GPR149: variants seen among roughly 807,000 people sequenced by gnomAD.
GPR149 encodes the protein G protein-coupled receptor 149, also known as probable G protein-coupled receptor 149.
Under a neutral mutation model 50.2 loss-of-function variants are expected in GPR149, and 50 were observed. The observed-to-expected ratio is 1.00, with a 90% CI of 0.79 to 1.26. The LOEUF is 1.26. Ranked by LOEUF, GPR149 falls within the 50% of genes most tolerant of loss-of-function variation. The pLI is 0.00. For missense variants in GPR149, 983 were observed against 895.4 expected (o/e 1.10, Z -1.25); for synonymous variants, 405 against 358.2 (o/e 1.13, Z -1.48).
chr3:154,366,139 T>C (rs1435183275), intron 3 of GPR149, among the ~76,000 whole-genome samples: 2 of 152,140 alleles, frequency 1.3e-5, no homozygotes, highest in Admixed American at 1.3e-4. Context: ...AACAGACCCC[T>C]AGAGAAACCT....
intron 3 of GPR149, among the ~76,000 whole-genome samples, chr3:154,416,716 G>C (rs559302172): frequency 6.6e-6 from 1 of 151,796 alleles, no homozygotes; most frequent in Non-Finnish European, 1.5e-5. Flanking sequence ...ATTAGTTCTT[G>C]TTGGCCTTAT....
chr3:154,368,174 G>C (rs1459557947), intron 3 of GPR149, among the ~76,000 whole-genome samples: 1 of 152,206 alleles, frequency 6.6e-6, no homozygotes, highest in Non-Finnish European at 1.5e-5. Context: ...GGCTCCCCCT[G>C]CAAGGGTTAC....
At chr3:154,374,169 C>CTTTTTTTTTTTTTT (rs3069044) in intron 3 of GPR149, among the ~76,000 whole-genome samples, 32 of 103,164 alleles carry the variant, frequency 3.1e-4, no homozygotes, top group Non-Finnish European at 4.8e-4. Flanking sequence ...CTTTTCTTTT[C>CTTTTTTTTTTTTTT]TTTTTTTTTT....
At chr3:154,359,144 T>C (rs1714322207) in intron 3 of GPR149, among the ~76,000 whole-genome samples, 1 of 152,196 alleles carries the variant, frequency 6.6e-6, no homozygotes, top group Non-Finnish European at 1.5e-5. Flanking sequence ...ATAAGGGACA[T>C]TCTTTAGAAA....
At chr3:154,392,966 G>C (rs933649684) in intron 3 of GPR149, among the ~76,000 whole-genome samples, 4 of 151,880 alleles carry the variant, frequency 2.6e-5, no homozygotes, top group Admixed American at 2.6e-4. Context: ...GAAAAGCCTA[G>C]AACCAAATGG....
intron 1 of GPR149, 26 bp from the exon 2 acceptor site, chr3:154,427,734 C>T: frequency 6.3e-7 from 1 of 1,590,522 alleles, no homozygotes; most frequent in Non-Finnish European, 8.6e-7. Flanking sequence ...AACTTCAGAC[C>T]TAACCTAAAA....
chr3:154,420,384 A>C (rs1712104777), intron 3 of GPR149, among the ~76,000 whole-genome samples: 1 of 152,006 alleles, frequency 6.6e-6, no homozygotes, highest in Non-Finnish European at 1.5e-5. Context: ...TGGAAGGCTG[A>C]GATCTAGGAA....
Position 154,427,547 on chromosome 3 carries a change from G to C in GPR149, c.1143C>G (p.Asn381Lys), listed in dbSNP as rs2108432782. 1 of 1,613,504 alleles carries C rather than the reference G, an allele frequency of 6.2e-7. No homozygotes were observed. Among genetic ancestry groups the C allele is most frequent in the South Asian group, 1.1e-5 (1 of 91,024 alleles). ...TCCCATCGGACGCCACTGCATATGC[G>C]TTCTGCCTGCAGTTGATGATGCAGC... Reference protein sequence around the residue: ...PCGCIINCRQNAYAVASDGKK... With the variant: ...PCGCIINCRQKAYAVASDGKK... The change falls in exon 2 of 4, where the codon AAC becomes AAG. Residue 381 changes from asparagine to lysine, a missense_variant. Coordinates refer to ENST00000389740, the MANE Select transcript of GPR149 (RefSeq NM_001038705.3).
chr3:154,429,173 C>T lies in GPR149; in HGVS notation c.443G>A (p.Gly148Asp). 1 of 1,613,850 alleles carries T rather than the reference C, an allele frequency of 6.2e-7. No homozygotes were observed. Reference protein sequence around the residue: ...VGSQTASRRSGQVLGVVLTVW... With the variant: ...VGSQTASRRSDQVLGVVLTVW... Reference sequence around the variant, plus strand: ...GGTCAGCACCACGCCGAGCACCTGGCCCGATCTTCTGGAGGCTGTCTGGCT... The same window carrying T: ...GGTCAGCACCACGCCGAGCACCTGGTCCGATCTTCTGGAGGCTGTCTGGCT... The change falls in exon 1 of 4, where the codon GGC becomes GAC. Residue 148 changes from glycine to aspartate, a missense_variant. Transcript: ENST00000389740.
chr3:154,419,941 T>A (rs1345968578), intron 3 of GPR149, among the ~76,000 whole-genome samples: 1 of 152,082 alleles, frequency 6.6e-6, no homozygotes, highest in Admixed American at 6.6e-5. Flanking sequence ...ATTTCTAAAC[T>A]CTAAACATAT....
At chr3:154,360,947 T>C (rs987660162) in intron 3 of GPR149, among the ~76,000 whole-genome samples, 17 of 152,176 alleles carry the variant, frequency 1.1e-4, no homozygotes. Context: ...CAAAGTAAAA[T>C]TTCAAGTCTT....
At chr3:154,406,210 C>T (rs1046724515) in intron 3 of GPR149, among the ~76,000 whole-genome samples, 3 of 151,804 alleles carry the variant, frequency 2.0e-5, no homozygotes, top group African/African-American at 7.3e-5. Flanking sequence ...TTAAAACAAC[C>T]CTGAGAAATC....
intron 3 of GPR149, among the ~76,000 whole-genome samples, chr3:154,343,288 A>G (rs568527776): frequency 1.3e-5 from 2 of 152,144 alleles, no homozygotes; most frequent in Non-Finnish European, 2.9e-5. Context: ...CACACCAAGA[A>G]TTTCTTCCTC....
intron 3 of GPR149, among the ~76,000 whole-genome samples, chr3:154,345,744 A>C (rs1295363033): frequency 6.6e-6 from 1 of 152,218 alleles, no homozygotes; most frequent in East Asian, 1.9e-4. Flanking sequence ...GAGTTGCAGC[A>C]AAATTTTCTC....
intron 3 of GPR149, among the ~76,000 whole-genome samples, chr3:154,371,860 T>C (rs982930116): frequency 9.9e-5 from 15 of 152,206 alleles, no homozygotes; most frequent in Non-Finnish European, 1.9e-4. Context: ...TACTCGTTTT[T>C]GGGCCTTGCA....
intron 3 of GPR149, among the ~76,000 whole-genome samples, chr3:154,367,446 T>G (rs751593178): frequency 1.3e-5 from 2 of 152,090 alleles, no homozygotes; most frequent in Non-Finnish European, 2.9e-5. Flanking sequence ...TTAAGTCCTG[T>G]GAGATCCTGT....
intron 3 of GPR149, among the ~76,000 whole-genome samples, chr3:154,342,645 G>T (rs1292936434): frequency 6.6e-6 from 1 of 152,146 alleles, no homozygotes; most frequent in East Asian, 1.9e-4. Context: ...CTGACCTCAG[G>T]TGATTCACCC....
In GPR149 at chr3:154,428,926, C is replaced by G; in HGVS notation, c.690G>C (p.Gln230His). ...GAATTGAAGCTCCACGGGAAATTTC[C>G]TGGTAGTTGGAGTGGAGTCTCGGCG... ...EEPPRLHSNY[Q>H]EISRGASIPG... is the part of the protein sequence containing the mutation. The change falls in exon 1 of 4, where the codon CAG (glutamine) becomes CAC (histidine). Residue 230 changes from glutamine to histidine, a missense_variant. Coordinates refer to ENST00000389740, the MANE Select transcript of GPR149 (RefSeq NM_001038705.3). The G allele has an allele frequency of 6.2e-7, 1 of 1,614,104 alleles. No individual in the cohort carries two copies. Among genetic ancestry groups the G allele is most frequent in the Admixed American group, 1.7e-5 (1 of 60,022 alleles).
intron 3 of GPR149, among the ~76,000 whole-genome samples, chr3:154,376,573 C>A (rs547597928): frequency 5.3e-5 from 8 of 152,236 alleles, no homozygotes; most frequent in African/African-American, 1.9e-4. Context: ...GTTACCAACA[C>A]CAAACAAATA....
Sources: allele counts gnomAD v4.1 joint callset (sites outside exome capture counted in the v4.1 genomes callset), GRCh38; gene constraint gnomAD v4.1.1; transcripts MANE v1.5; gene names NCBI Gene and HGNC (gene_info 2026-07-23, HGNC 2026-07-21).